FBXO16: variants seen among roughly 807,000 people sequenced by gnomAD.
FBXO16 encodes F-box only protein 16.
Under a neutral mutation model 41.0 loss-of-function variants are expected in FBXO16, and 31 were observed. The observed-to-expected ratio is 0.76, with a 90% CI of 0.57 to 1.02. The LOEUF (loss-of-function observed/expected upper bound fraction) is 1.02, where lower values mean the gene tolerates loss of function less well. Ranked by LOEUF, FBXO16 falls within the 50% of genes least tolerant of loss-of-function variation. The probability of loss-of-function intolerance (pLI) is 0.00; values close to 1 mark genes in which losing one functional copy is unlikely to be tolerated. For missense variants in FBXO16, 361 were observed against 346.2 expected, an observed-to-expected ratio of 1.04 and a Z score of -0.34; for synonymous variants, 133 against 117.8, an observed-to-expected ratio of 1.13 and a Z score of -0.84.
chr8:28,450,452 G>A (rs991687288), intron 6 of FBXO16, among the ~76,000 whole-genome samples: 9 of 152,134 alleles, frequency 5.9e-5, no homozygotes, highest in Non-Finnish European at 4.4e-5. Flanking sequence ...AGACAAATTG[G>A]ACTTCATCAA....
chr8:28,435,162 T>C (rs1802668970), intron 7 of FBXO16, among the ~76,000 whole-genome samples: 1 of 144,286 alleles, frequency 6.9e-6, no homozygotes, highest in Admixed American at 6.8e-5. Context: ...TGAAGGGTGA[T>C]GAGGGCAGAT....
At chr8:28,465,697 T>C (rs1370665007) in intron 3 of FBXO16, among the ~76,000 whole-genome samples, 1 of 152,200 alleles carries the variant, frequency 6.6e-6, no homozygotes, top group Non-Finnish European at 1.5e-5. Flanking sequence ...GAGTTACTTT[T>C]CTCATAAGAT....
chr8:28,432,992 C>T (rs1249421069), intron 7 of FBXO16, among the ~76,000 whole-genome samples: 1 of 150,954 alleles, frequency 6.6e-6, no homozygotes, highest in Middle Eastern at 3.4e-3. Context: ...ACTTGGGAGG[C>T]GGAGGTTGCA....
chr8:28,463,106 T>C (rs889407913), intron 4 of FBXO16, among the ~76,000 whole-genome samples: 3 of 152,184 alleles, frequency 2.0e-5, no homozygotes, highest in Admixed American at 6.5e-5. Context: ...TGTACAAACA[T>C]ATTGATCATC....
At chr8:28,440,561 TC>T (rs1003170310) in intron 7 of FBXO16, among the ~76,000 whole-genome samples, 45 of 151,968 alleles carry the variant, frequency 3.0e-4, no homozygotes, top group Admixed American at 1.2e-3. Flanking sequence ...TGTGTGTGGT[TC>T]CCCCCCACCC....
At chr8:28,466,983 G>C (rs974301018) in intron 3 of FBXO16, among the ~76,000 whole-genome samples, 3 of 151,626 alleles carry the variant, frequency 2.0e-5, no homozygotes, top group African/African-American at 4.8e-5. Flanking sequence ...TCGCTGTGTC[G>C]CCAGGTTGGC....
chr8:28,461,867 T>C (rs1803139608), intron 4 of FBXO16, among the ~76,000 whole-genome samples: 1 of 151,630 alleles, frequency 6.6e-6, no homozygotes, highest in Non-Finnish European at 1.5e-5. Context: ...TTTCCTTTGG[T>C]TTTATCTGTC....
intron 1 of FBXO16, among the ~76,000 whole-genome samples, chr8:28,483,853 C>T (rs1447000507): frequency 6.6e-6 from 1 of 152,024 alleles, no homozygotes; most frequent in African/African-American, 2.4e-5. Context: ...AAAAACAATA[C>T]TAATACCATA....
chr8:28,484,742 C>A (rs1000559413), intron 1 of FBXO16, among the ~76,000 whole-genome samples: 1 of 151,810 alleles, frequency 6.6e-6, no homozygotes, highest in Non-Finnish European at 1.5e-5. Context: ...CAGGCGCCCG[C>A]CATCACGCCC....
At chr8:28,467,279 A>G (rs912461814) in intron 3 of FBXO16, among the ~76,000 whole-genome samples, 1 of 152,220 alleles carries the variant, frequency 6.6e-6, no homozygotes, top group African/African-American at 2.4e-5. Flanking sequence ...AAACCGTAAT[A>G]TATCAACATG....
Position 28,428,493 on chromosome 8 carries a change from G to A in FBXO16, c.*234C>T. On this transcript the variant is annotated 3_prime_UTR_variant, in exon 9 of 9. Coordinates refer to ENST00000380254, the MANE Select transcript of FBXO16 (RefSeq NM_172366.4). ...TAAGCTGAAAGAGTTTCTAATGGGA[G>A]CCAAGTAAATTCAGCTCTCCACTGT... 1 of 1,427,480 alleles carries A rather than the reference G, an allele frequency of 7.0e-7. No homozygotes were observed. Among genetic ancestry groups the A allele is most frequent in the Non-Finnish European group, 9.3e-7 (1 of 1,076,060 alleles). 88.4% of individuals were successfully genotyped at this position (1,427,480 alleles called of 1,614,324 possible). A position where few individuals can be genotyped will look rare whatever the true frequency, so the allele number is the denominator to read the frequency against.
Position 28,463,696 on chromosome 8 carries a change from C to A in FBXO16, c.258G>T (p.Leu86=). The A allele has an allele frequency of 6.2e-7, 1 of 1,614,170 alleles. No individual in the cohort carries two copies. Among genetic ancestry groups the A allele is most frequent in the Non-Finnish European group, 8.5e-7 (1 of 1,180,024 alleles). ...CCCTTGGAAGCTTGGTTGTAAAGTC[C>A]AGGGCTTCTGCTGGAATTTTCTCTT... ...KLQEKIPAEA[L]DFTTKLPRVL... Residue 86 remains leucine (L), a synonymous_variant, in exon 4 of 9, where the codon CTG becomes CTT. Transcript: ENST00000380254.
intron 4 of FBXO16, among the ~76,000 whole-genome samples, chr8:28,458,515 C>G (rs1262269241): frequency 6.9e-6 from 1 of 145,572 alleles, no homozygotes; most frequent in Non-Finnish European, 1.5e-5. Flanking sequence ...TCTCTCAATT[C>G]TCATTCCTTT....
At chr8:28,443,043 G>A (rs1390811448) in intron 7 of FBXO16, among the ~76,000 whole-genome samples, 1 of 150,640 alleles carries the variant, frequency 6.6e-6, no homozygotes, top group Non-Finnish European at 1.5e-5. Context: ...TTTTTAGGTA[G>A]GGTCTCGCTC....
intron 4 of FBXO16, among the ~76,000 whole-genome samples, chr8:28,460,245 A>ATATTTTTTTT (rs1477457728): frequency 1.8e-4 from 15 of 85,434 alleles, no homozygotes; most frequent in African/African-American, 9.5e-4. Context: ...ATATATATAT[A>ATATTTTTTTT]TTTTTTTTTT....
chr8:28,447,237 G>C lies in FBXO16; in HGVS notation c.777C>G (p.Ser259Arg). 1 of 1,613,672 alleles carries C rather than the reference G, an allele frequency of 6.2e-7. No individual in the cohort carries two copies. The highest frequency in any genetic ancestry group is 8.5e-7 in the Non-Finnish European group (1 of 1,179,962). ...TATTTTTCTTATCATGTGACTGTCG[G>C]CTGAAGTCTGGGGTCATTTGGTTTC... ...RKRNQMTPDFSRQSHDKKNKL... is the reference protein window; with the variant it reads ...RKRNQMTPDFRRQSHDKKNKL... The change falls in exon 7 of 9, where the codon AGC (serine) becomes AGG (arginine). Residue 259 changes from serine to arginine, a missense_variant. Transcript: ENST00000380254.
At chr8:28,453,924 G>C (rs1009702809) in intron 5 of FBXO16, among the ~76,000 whole-genome samples, 1 of 152,022 alleles carries the variant, frequency 6.6e-6, no homozygotes, top group Admixed American at 6.5e-5. Flanking sequence ...AGCACTTTGG[G>C]AGGCCGAGGA....
At position 28,428,679 on chromosome 8, in the gene FBXO16, G is replaced by T; in HGVS notation, c.*48C>A. The T allele has an allele frequency of 6.4e-7, 1 of 1,574,444 alleles. No homozygotes were observed. ...GTGTCTGGGAGTCCCACTGACTCAG[G>T]GGGAGGCCAGGCGAGATGAGCTGGA... On this transcript the variant is annotated 3_prime_UTR_variant, in exon 9 of 9. Coordinates refer to ENST00000380254, the MANE Select transcript of FBXO16 (RefSeq NM_172366.4).
intron 1 of FBXO16, among the ~76,000 whole-genome samples, chr8:28,484,842 C>A (rs964407957): frequency 2.0e-5 from 3 of 152,068 alleles, no homozygotes; most frequent in Non-Finnish European, 2.9e-5. Context: ...ATCCACCCCC[C>A]CTGGGCCTCC....
Sources: allele counts gnomAD v4.1 joint callset (sites outside exome capture counted in the v4.1 genomes callset), GRCh38; gene constraint gnomAD v4.1.1; transcripts MANE v1.5; gene names NCBI Gene and HGNC (gene_info 2026-07-23, HGNC 2026-07-21).